VWA8: variants seen among roughly 807,000 people sequenced by gnomAD.
VWA8 encodes von Willebrand factor A domain containing 8, also known as von Willebrand factor A domain-containing protein 8.
VWA8 carries 221 observed loss-of-function variants against 241.5 expected under a neutral mutation model. That is an observed-to-expected ratio of 0.91 (90% CI 0.82 to 1.02). The LOEUF (loss-of-function observed/expected upper bound fraction) is 1.02, where lower values mean the gene tolerates loss of function less well. VWA8 is among the 50% of genes least tolerant of loss of function. The pLI is 0.00. For synonymous variants in VWA8, 852 were observed against 827.1 expected (o/e 1.03, Z -0.52); for missense variants, 2,322 against 2,328.7 (o/e 1.00, Z 0.06).
At chr13:41,811,641 C>G (rs1870479298) in intron 16 of VWA8, among the ~76,000 whole-genome samples, 2 of 152,102 alleles carry the variant, frequency 1.3e-5, no homozygotes, top group East Asian at 1.9e-4. Flanking sequence ...AAAGGTCACA[C>G]TGGACTTAGG....
At position 41,885,874 on chromosome 13, in the gene VWA8, T is replaced by C. The variant is rs1018092625; in HGVS notation, c.975+46A>G. 2.4e-5 allele frequency: 34 copies of C among 1,394,104 alleles called. No individual in the cohort carries two copies. In the Admixed American group the frequency reaches 6.9e-4, roughly 28 times the overall value. 86.4% of individuals were successfully genotyped at this position (1,394,104 alleles called of 1,614,324 possible). A position where few individuals can be genotyped will look rare whatever the true frequency, so the allele number is the denominator to read the frequency against. Reference sequence around the variant, plus strand: ...AATCCCTAATGATTAACTTTCAAAATTTTTAACATATTTGGGTATGCCAGT... The same window carrying C: ...AATCCCTAATGATTAACTTTCAAAACTTTTAACATATTTGGGTATGCCAGT... On this transcript the variant is annotated intron_variant, in intron 8 of 44. Coordinates refer to ENST00000379310, the MANE Select transcript of VWA8 (RefSeq NM_015058.2).
At chr13:41,936,457 G>A (rs1205021280) in intron 2 of VWA8, among the ~76,000 whole-genome samples, 1 of 152,040 alleles carries the variant, frequency 6.6e-6, no homozygotes, top group Non-Finnish European at 1.5e-5. Context: ...TGTTATATAG[G>A]CATTAAAAAT....
At chr13:41,841,090 A>C (rs767466835) in intron 12 of VWA8, among the ~76,000 whole-genome samples, 1 of 152,210 alleles carries the variant, frequency 6.6e-6, no homozygotes, top group Non-Finnish European at 1.5e-5. Context: ...TCAAGGACAC[A>C]CAGCTAGCAG....
At chr13:41,802,205 T>C (rs561757906) in intron 17 of VWA8, among the ~76,000 whole-genome samples, 28 of 152,270 alleles carry the variant, frequency 1.8e-4, no homozygotes, top group Non-Finnish European at 3.4e-4. Flanking sequence ...AAAGAATCTG[T>C]GTGCTTGGGA....
intron 21 of VWA8, among the ~76,000 whole-genome samples, chr13:41,756,712 C>T (rs889089835): frequency 6.6e-6 from 1 of 151,540 alleles, no homozygotes; most frequent in Non-Finnish European, 1.5e-5. Context: ...ATTTCAATGA[C>T]ATTTTCAACT....
chr13:41,907,661 C>T lies in VWA8; in HGVS notation c.408G>A (p.Leu136=), dbSNP rs767324531. ...LTKREVEYIA[L]SRDTTETDLK... is the part of the protein sequence containing the mutation. ...GATCAGTTTCAGTGGTGTCCCTTGA[C>T]AGGGCAATGTATTCGACCTCCCGTT... Residue 136 remains leucine, a synonymous_variant, in exon 4 of 45, where the codon CTG becomes CTA. Transcript: ENST00000379310. 3 of 1,614,136 alleles carry T rather than the reference C, an allele frequency of 1.9e-6. No individual in the cohort carries two copies. The highest frequency in any genetic ancestry group is 2.5e-6 in the Non-Finnish European group (3 of 1,180,006).
At chr13:41,930,526 A>G (rs1445064602) in intron 2 of VWA8, among the ~76,000 whole-genome samples, 3 of 152,190 alleles carry the variant, frequency 2.0e-5, no homozygotes, top group Non-Finnish European at 2.9e-5. Flanking sequence ...TAATCCCAAA[A>G]TCATTAATTC....
intron 42 of VWA8, among the ~76,000 whole-genome samples, chr13:41,581,986 T>C (rs1302293489): frequency 1.3e-5 from 2 of 152,190 alleles, no homozygotes; most frequent in African/African-American, 4.8e-5. Context: ...TATTCTACTT[T>C]TCACTTTAAT....
chr13:41,936,586 C>A (rs924064618), intron 2 of VWA8, among the ~76,000 whole-genome samples: 1 of 152,006 alleles, frequency 6.6e-6, no homozygotes, highest in Admixed American at 6.6e-5. Flanking sequence ...TTACATAGCT[C>A]GAAAATTGTA....
intron 17 of VWA8, among the ~76,000 whole-genome samples, chr13:41,801,185 A>T (rs1327369686): frequency 3.3e-5 from 5 of 152,022 alleles, no homozygotes; most frequent in African/African-American, 1.2e-4. Context: ...TTAAAAGTTG[A>T]TTCAACTACC....
intron 16 of VWA8, among the ~76,000 whole-genome samples, chr13:41,814,177 T>TAA (rs1870590715): frequency 6.6e-6 from 1 of 152,206 alleles, no homozygotes; most frequent in Non-Finnish European, 1.5e-5. Context: ...AAGTGTCTAT[T>TAA]ATGTGCCAGG....
chr13:41,776,455 T>A (rs1868598607), intron 20 of VWA8, among the ~76,000 whole-genome samples: 1 of 152,178 alleles, frequency 6.6e-6, no homozygotes, highest in Non-Finnish European at 1.5e-5. Flanking sequence ...CCCACTCTGG[T>A]ATATAGGTTC....
rs149744875 is a variant in VWA8, at chr13:41,676,626, TTTTG to T, written c.4328-1334_4328-1331del. On this transcript the variant is annotated intron_variant, in intron 35 of 44. Coordinates refer to ENST00000379310, the MANE Select transcript of VWA8 (RefSeq NM_015058.2). ...GGTGGTTTGTGAAGTGTTCTGCTGT[TTTTG>T]TTTGTTTGTTTGTTTTTTGGAGACA... Among the ~76,000 whole-genome samples the T allele has an allele frequency of 3.9e-3, 594 of 152,238 alleles. 1 individual carries two copies. The highest frequency in any genetic ancestry group is 0.016 in the South Asian group (75 of 4,812).
intron 17 of VWA8, among the ~76,000 whole-genome samples, chr13:41,797,310 G>A (rs1404547179): frequency 6.6e-6 from 1 of 152,010 alleles, no homozygotes; most frequent in Non-Finnish European, 1.5e-5. Flanking sequence ...AAAGTGCTGG[G>A]ATTACAGGCA....
intron 40 of VWA8, among the ~76,000 whole-genome samples, chr13:41,599,666 A>T (rs1416764128): frequency 6.6e-6 from 1 of 152,156 alleles, no homozygotes; most frequent in East Asian, 1.9e-4. Flanking sequence ...AAACTGGTTG[A>T]ACTAAATCTA....
At chr13:41,749,566 T>C (rs1016609451) in intron 21 of VWA8, among the ~76,000 whole-genome samples, 13 of 142,674 alleles carry the variant, frequency 9.1e-5, no homozygotes, top group African/African-American at 3.7e-4. Flanking sequence ...GTATGTTTAC[T>C]GCGGCACCAC....
At chr13:41,707,056 T>G (rs1394937313) in intron 26 of VWA8, among the ~76,000 whole-genome samples, 1 of 152,218 alleles carries the variant, frequency 6.6e-6, no homozygotes, top group African/African-American at 2.4e-5. Context: ...AAGTAAAAGT[T>G]TGGACTAAAA....
intron 1 of VWA8, among the ~76,000 whole-genome samples, chr13:41,950,585 A>G (rs762760374): frequency 2.7e-5 from 4 of 149,806 alleles, no homozygotes; most frequent in East Asian, 2.0e-4. Context: ...AGCCAGGATG[A>G]TCTCGATCTC....
At chr13:41,864,833 A>T (rs563680788) in intron 12 of VWA8, among the ~76,000 whole-genome samples, 3 of 152,126 alleles carry the variant, frequency 2.0e-5, no homozygotes, top group African/African-American at 4.8e-5. Context: ...CTAAAATACA[A>T]AAAAATTAGC....
Sources: gnomAD v4.1 joint callset for allele counts (sites outside exome capture counted in the v4.1 genomes callset) on GRCh38, gnomAD v4.1.1 for gene constraint, MANE v1.5 for transcripts, NCBI Gene and HGNC (gene_info 2026-07-23, HGNC 2026-07-21) for gene names.